Variants in NOD2 observed in about 807,000 individuals in gnomAD.
NOD2 encodes the protein nucleotide binding oligomerization domain containing 2, also known as nucleotide-binding oligomerization domain-containing protein 2.
Under a neutral mutation model 90.9 loss-of-function variants are expected in NOD2, and 86 were observed. The observed-to-expected ratio is 0.95, with a 90% CI of 0.79 to 1.13. NOD2 has a LOEUF of 1.13. Ranked by LOEUF, NOD2 falls within the 50% of genes most tolerant of loss-of-function variation. The pLI is 0.00. For missense variants in NOD2, 1,238 were observed against 1,283.8 expected (o/e 0.96, Z 0.55); for synonymous variants, 581 against 554.6 (o/e 1.05, Z -0.67).
At chr16:50,695,730 TG>T (rs1963617383) in intron 1 of NOD2, among the ~76,000 whole-genome samples, 1 of 151,334 alleles carries the variant, frequency 6.6e-6, no homozygotes, top group Non-Finnish European at 1.5e-5. Flanking sequence ...ATGAAGAAAA[TG>T]CCCCAAAGAG....
intron 11 of NOD2, among the ~76,000 whole-genome samples, chr16:50,731,468 G>T (rs1341424119): frequency 6.6e-6 from 1 of 152,122 alleles, no homozygotes; most frequent in Admixed American, 6.5e-5. Context: ...TTCTCTTATT[G>T]CCTTAAAAAG....
intron 11 of NOD2, among the ~76,000 whole-genome samples, chr16:50,731,224 C>G (rs1203024436): frequency 6.6e-6 from 1 of 152,088 alleles, no homozygotes; most frequent in Non-Finnish European, 1.5e-5. Flanking sequence ...GAGATTTTTC[C>G]TTCTGTATGA....
At chr16:50,706,079 C>A (rs572379762) in intron 2 of NOD2, among the ~76,000 whole-genome samples, 41 of 152,190 alleles carry the variant, frequency 2.7e-4, no homozygotes, top group African/African-American at 9.6e-4. Flanking sequence ...AGGTGAAATT[C>A]AAGTAAAGAC....
At position 50,711,914 on chromosome 16, in the gene NOD2, CG is replaced by C. The variant is rs758485603; in HGVS notation, c.1923del (p.His642ThrfsTer94). 22 of 1,608,648 alleles carry C rather than the reference CG, an allele frequency of 1.4e-5. No homozygotes were observed. Among genetic ancestry groups the C allele is most frequent in the Non-Finnish European group, 1.4e-5 (16 of 1,175,958 alleles). Reference protein sequence around the residue: ...SVAALLQKAEPHNLQITAAFL... With the variant: ...SVAALLQKAEXHNLQITAAFL... ...GCAGCTTTGCTGCAGAAGGCCGAGC[CG>C]CACAACCTTCAGATCACAGCAGCCT... On this transcript the variant is annotated frameshift_variant, in exon 4 of 12. Transcript: ENST00000647318. LOFTEE classifies it high-confidence loss of function.
rs1356569068 is a variant in NOD2 at position 50,730,052 on chromosome 16, A to C, written c.2969+151A>C. ...AATGATTCTGCATGTGAAGGATCTGATTCTCTGTCTAAGAAAGAAGTCTTT... is the reference window on the plus strand; with the variant it reads ...AATGATTCTGCATGTGAAGGATCTGCTTCTCTGTCTAAGAAAGAAGTCTTT... On this transcript the variant is annotated intron_variant, in intron 11 of 11. Transcript: ENST00000647318. 1.1e-5 allele frequency: 7 copies of C among 648,250 alleles called. No individual in the cohort carries two copies. The East Asian group carries it at 2.1e-4, about 20-fold the overall frequency. 40.2% of individuals were successfully genotyped at this position (648,250 alleles called of 1,614,324 possible). A position where few individuals can be genotyped will look rare whatever the true frequency, so the allele number is the denominator to read the frequency against.
At chr16:50,701,148 C>G (rs1963922998) in intron 2 of NOD2, among the ~76,000 whole-genome samples, 1 of 152,232 alleles carries the variant, frequency 6.6e-6, no homozygotes, top group Non-Finnish European at 1.5e-5. Context: ...TGGTCATTGA[C>G]TTATTCATCC....
intron 6 of NOD2, among the ~76,000 whole-genome samples, chr16:50,717,474 C>G (rs1567399736): frequency 6.6e-6 from 1 of 152,182 alleles, no homozygotes; most frequent in Non-Finnish European, 1.5e-5. Flanking sequence ...TCTCTCCTAC[C>G]TGATGCCTTT....
intron 1 of NOD2, among the ~76,000 whole-genome samples, chr16:50,695,583 A>C (rs944785342): frequency 1.3e-5 from 2 of 152,184 alleles, no homozygotes; most frequent in Non-Finnish European, 2.9e-5. Context: ...CCACAAGAGC[A>C]GGTGGGCTCA....
Position 50,729,799 on chromosome 16 carries a change from A to T in NOD2, c.2886-19A>T. 6.2e-7 allele frequency: 1 copy of T among 1,602,492 alleles called. No homozygotes were observed. The highest frequency in any genetic ancestry group is 8.5e-7 in the Non-Finnish European group (1 of 1,170,188). The stretch of plus-strand genomic sequence containing the variant: ...AAACCAAGAATCCTTGAAGCTCACC[A>T]TTGTATCTTCTTTTCCAGGTTGTCC... On this transcript the variant is annotated intron_variant, in intron 10 of 11. Transcript: ENST00000647318.
intron 1 of NOD2, chr16:50,697,882 A>G: frequency 6.2e-6 from 1 of 160,252 alleles, no homozygotes; most frequent in South Asian, 1.5e-4. Flanking sequence ...TGTTCCCCCC[A>G]CCCCCAGCCC....
At chr16:50,708,063 A>G in intron 3 of NOD2, 103 bp downstream of exon 3, 3 of 809,132 alleles carry the variant, frequency 3.7e-6, no homozygotes, top group Admixed American at 1.9e-5. Context: ...TGCTGGCAGT[A>G]TAGCCTCCCT....
chr16:50,718,026 A>C (rs1307768479), intron 6 of NOD2, among the ~76,000 whole-genome samples: 2 of 152,232 alleles, frequency 1.3e-5, no homozygotes, highest in Admixed American at 1.3e-4. Context: ...AGTAATAGCA[A>C]CTCATAATAA....
intron 1 of NOD2, among the ~76,000 whole-genome samples, chr16:50,694,317 C>T (rs546100006): frequency 1.4e-4 from 21 of 152,302 alleles, no homozygotes; most frequent in African/African-American, 5.1e-4. Context: ...GTGACCTAGC[C>T]TCCTCCAGGG....
chr16:50,701,944 GTTTA>G (rs1054373269), intron 2 of NOD2, among the ~76,000 whole-genome samples: 3 of 152,278 alleles, frequency 2.0e-5, no homozygotes, highest in East Asian at 1.9e-4. Flanking sequence ...TTATTTATTT[GTTTA>G]TTTATTTATT....
At position 50,711,697 on chromosome 16, in the gene NOD2, A is replaced by G; in HGVS notation, c.1705A>G (p.Thr569Ala). The change falls in exon 4 of 12, where the codon ACG becomes GCG. Residue 569 changes from threonine (T) to alanine (A), a missense_variant. Coordinates refer to ENST00000647318, the MANE Select transcript of NOD2 (RefSeq NM_001370466.1). The part of the protein sequence containing the change: ...VRAKGVVPGS[T>A]APLEFLHITF... ...TGCCAAAGGTGTCGTGCCAGGGAGT[A>G]CGGCGCCCCTGGAATTCCTTCACAT... 1 of 1,613,916 alleles carries G rather than the reference A, an allele frequency of 6.2e-7. No homozygotes were observed. Among genetic ancestry groups the G allele is most frequent in the East Asian group, 2.2e-5 (1 of 44,864 alleles).
chr16:50,712,200 T>G lies in NOD2; in HGVS notation c.2208T>G (p.Asn736Lys), dbSNP rs564815866. 6.2e-6 allele frequency: 10 copies of G among 1,613,974 alleles called. No homozygotes were observed. Among genetic ancestry groups the G allele is most frequent in the Non-Finnish European group, 8.5e-6 (10 of 1,180,038 alleles). The change falls in exon 4 of 12, where the codon AAT becomes AAG. Residue 736 changes from asparagine (N) to lysine (K), a missense_variant. Physicochemically the swap from Asn to Lys is moderately conservative, Grantham distance 94. Transcript: ENST00000647318. ...CTCGGAAGGCTGCACGTGGCCTGAA[T>G]GTTGGGCACCTCAAGTTGACATTTT... ...RLARKAARGL[N>K]VGHLKLTFCS...
chr16:50,711,638 G>T lies in NOD2; in HGVS notation c.1646G>T (p.Ser549Ile). 6.2e-7 allele frequency: 1 copy of T among 1,612,654 alleles called. No homozygotes were observed. The highest frequency in any genetic ancestry group is 8.5e-7 in the Non-Finnish European group (1 of 1,179,984). The part of the protein sequence containing the change: ...SAQQLQAAQV[S>I]PDDISLGFLV... Reference sequence around the variant, plus strand: ...CAGCAGCTCCAGGCAGCACAGGTCAGCCCTGATGACATTTCTCTTGGCTTC... The same window carrying T: ...CAGCAGCTCCAGGCAGCACAGGTCATCCCTGATGACATTTCTCTTGGCTTC... The change falls in exon 4 of 12, where the codon AGC becomes ATC. Residue 549 changes from serine (S) to isoleucine (I), a missense_variant. Coordinates refer to ENST00000647318, the MANE Select transcript of NOD2 (RefSeq NM_001370466.1).
Position 50,717,053 on chromosome 16 carries a change from G to T in NOD2, c.2549+79G>T, listed in dbSNP as rs1013124328. ...GTCAGTCTGATCTGGTCTTGGCCTG[G>T]CACTGCCCACACTGGCTCCTGACCT... On this transcript the variant is annotated intron_variant, in intron 6 of 11. Coordinates refer to ENST00000647318, the MANE Select transcript of NOD2 (RefSeq NM_001370466.1). 2.4e-6 allele frequency: 3 copies of T among 1,256,044 alleles called. No homozygotes were observed. In the African/African-American group the frequency reaches 4.4e-5, roughly 18 times the overall value. The allele number at this position is 1,256,044 out of a possible 1,614,324, so 77.8% of individuals were successfully genotyped here. A position where few individuals can be genotyped will look rare whatever the true frequency, so the allele number is the denominator to read the frequency against.
chr16:50,714,668 AAGAG>A (rs1964702594), intron 4 of NOD2, among the ~76,000 whole-genome samples: 1 of 120,338 alleles, frequency 8.3e-6, no homozygotes, highest in South Asian at 2.7e-4. Context: ...GAGATTGAGA[AAGAG>A]AGGAAGGGAG....
Sources: allele counts gnomAD v4.1 joint callset (sites outside exome capture counted in the v4.1 genomes callset), GRCh38; gene constraint gnomAD v4.1.1; transcripts MANE v1.5; gene names NCBI Gene and HGNC (gene_info 2026-07-23, HGNC 2026-07-21).